ATP8A1: variants seen among roughly 807,000 people sequenced by gnomAD.
The protein encoded by ATP8A1 is ATPase phospholipid transporting 8A1.
In ATP8A1, 90 loss-of-function variants were observed where a neutral mutation model predicts 177.7. That is an observed-to-expected ratio of 0.51 (90% CI 0.43 to 0.60). The LOEUF is 0.60. Ranked by LOEUF, ATP8A1 falls within the 20% of genes least tolerant of loss-of-function variation. The pLI is 0.00. For missense variants in ATP8A1, 1,072 were observed against 1,392.8 expected (o/e 0.77, Z 3.67); for synonymous variants, 493 against 485.9 (o/e 1.01, Z -0.19).
chr4:42,559,518 A>G (rs1329552669), intron 15 of ATP8A1, among the ~76,000 whole-genome samples: 5 of 152,234 alleles, frequency 3.3e-5, no homozygotes, highest in Admixed American at 3.3e-4. Context: ...AGCATGTATC[A>G]TTGGTGAGAA....
At chr4:42,539,378 A>G (rs1260819984) in intron 20 of ATP8A1, among the ~76,000 whole-genome samples, 2 of 137,238 alleles carry the variant, frequency 1.5e-5, no homozygotes, top group Admixed American at 8.3e-5. Flanking sequence ...TTCATGTACT[A>G]AAAAATAAAA....
At position 42,640,966 on chromosome 4, in the gene ATP8A1, T is replaced by A. The variant is rs1419205539; in HGVS notation, c.50-13857A>T. ...CTCTGAAGCCACATGCATGCCAAAGTTAGGAAGTGAAGGAGCAGACGTACA... is the reference window on the plus strand; with the variant it reads ...CTCTGAAGCCACATGCATGCCAAAGATAGGAAGTGAAGGAGCAGACGTACA... On this transcript the variant is annotated intron_variant, in intron 1 of 36. Coordinates refer to ENST00000381668, the MANE Select transcript of ATP8A1 (RefSeq NM_006095.2). Among the ~76,000 whole-genome samples the A allele has an allele frequency of 2.7e-5, 4 of 147,862 alleles. No individual in the cohort carries two copies. The East Asian group carries it at 7.9e-4, about 29-fold the overall frequency.
At chr4:42,504,865 ATCTCT>A (rs1724212832) in intron 23 of ATP8A1, among the ~76,000 whole-genome samples, 1 of 152,284 alleles carries the variant, frequency 6.6e-6, no homozygotes, top group African/African-American at 2.4e-5. Flanking sequence ...TATGCTGAAG[ATCTCT>A]TCTGCTACTA....
intron 20 of ATP8A1, among the ~76,000 whole-genome samples, chr4:42,530,213 C>T (rs1212733402): frequency 6.6e-6 from 1 of 152,218 alleles, no homozygotes; most frequent in Non-Finnish European, 1.5e-5. Context: ...ACATGGACTT[C>T]TACTCACCAA....
chr4:42,471,792 C>T (rs1004082668), intron 25 of ATP8A1: 1 of 474,580 alleles, frequency 2.1e-6, no homozygotes, highest in African/African-American at 2.0e-5. Flanking sequence ...TAGGCTGGCG[C>T]TTAGCAAGGA....
intron 33 of ATP8A1, among the ~76,000 whole-genome samples, chr4:42,435,287 G>A (rs1431593295): frequency 2.6e-5 from 4 of 151,958 alleles, no homozygotes; most frequent in South Asian, 2.1e-4. Flanking sequence ...TTGGCTGGGC[G>A]TGGTGGCGGG....
intron 33 of ATP8A1, among the ~76,000 whole-genome samples, chr4:42,433,255 A>C (rs1715504597): frequency 6.7e-6 from 1 of 148,426 alleles, no homozygotes; most frequent in African/African-American, 2.5e-5. Flanking sequence ...ACACTTTTCC[A>C]AACAACAGCT....
Position 42,423,602 on chromosome 4 carries a change from T to G in ATP8A1, c.3212+15A>C. 1 of 1,548,156 alleles carries G rather than the reference T, an allele frequency of 6.5e-7. No individual in the cohort carries two copies. The highest frequency in any genetic ancestry group is 8.9e-7 in the Non-Finnish European group (1 of 1,124,958). On this transcript the variant is annotated intron_variant, in intron 34 of 36. Coordinates refer to ENST00000381668, the MANE Select transcript of ATP8A1 (RefSeq NM_006095.2). Reference sequence around the variant, plus strand: ...GCATCTATATTTCTCCGTATATAACTGAGTATATACTTACACCTTGTACAC... The same window carrying G: ...GCATCTATATTTCTCCGTATATAACGGAGTATATACTTACACCTTGTACAC...
chr4:42,604,678 T>C (rs1415775163), intron 5 of ATP8A1, among the ~76,000 whole-genome samples: 1 of 152,224 alleles, frequency 6.6e-6, no homozygotes, highest in Non-Finnish European at 1.5e-5. Flanking sequence ...CTACTAGGTG[T>C]ATACCCAAGC....
At chr4:42,468,430 T>TACACACACACACAC (rs139371340) in intron 25 of ATP8A1, among the ~76,000 whole-genome samples, 8 of 150,516 alleles carry the variant, frequency 5.3e-5, no homozygotes, top group African/African-American at 1.7e-4. Flanking sequence ...ATATATTTTA[T>TACACACACACACAC]ACACACACAC....
chr4:42,599,295 TCCTA>T (rs796953424), intron 6 of ATP8A1, among the ~76,000 whole-genome samples: 47 of 152,308 alleles, frequency 3.1e-4, no homozygotes, highest in African/African-American at 9.4e-4. Context: ...CTTGATTATA[TCCTA>T]CCTGTCTTCT....
At position 42,503,506 on chromosome 4, in the gene ATP8A1, A is replaced by C. The variant is rs1381510091; in HGVS notation, c.2095T>G (p.Cys699Gly). 1 of 1,604,548 alleles carries C rather than the reference A, an allele frequency of 6.2e-7. No individual in the cohort carries two copies. The highest frequency in any genetic ancestry group is 8.5e-7 in the Non-Finnish European group (1 of 1,173,484). The change falls in exon 24 of 37, where the codon TGC becomes GGC. Residue 699 changes from cysteine (C) to glycine (G), a missense_variant. Around this residue, in one of 5 missense-constraint regions of ATP8A1, gnomAD observed 388 missense variants for 471.7 expected, o/e 0.82. Transcript: ENST00000381668. ...CCCATGTTCTTCTTCAACAGTTTGC[A>C]GGAGTGTCCTGTATCCAAACACAGA... ...QETAINIGHS[C>G]KLLKKNMGMI...
intron 30 of ATP8A1, among the ~76,000 whole-genome samples, chr4:42,449,803 C>CTT (rs1717738755): frequency 6.6e-6 from 1 of 152,158 alleles, no homozygotes; most frequent in African/African-American, 2.4e-5. Context: ...TCCAGAGAGA[C>CTT]GTAATGATGG....
chr4:42,466,642 T>C (rs1719800881), intron 25 of ATP8A1, among the ~76,000 whole-genome samples: 1 of 152,244 alleles, frequency 6.6e-6, no homozygotes, highest in Non-Finnish European at 1.5e-5. Context: ...ATTTTTAATT[T>C]TTTCTTTGGA....
intron 6 of ATP8A1, among the ~76,000 whole-genome samples, chr4:42,596,797 G>T (rs1042284810): frequency 2.0e-4 from 31 of 152,016 alleles, no homozygotes; most frequent in African/African-American, 7.5e-4. Flanking sequence ...TAAGCCAGAA[G>T]AATACGTTGA....
In ATP8A1 at chr4:42,464,784, T is replaced by A. The variant is rs558818966; in HGVS notation, c.2525A>T (p.Asn842Ile). 11 of 1,613,646 alleles carry A rather than the reference T, an allele frequency of 6.8e-6. No individual in the cohort carries two copies. In the African/African-American group the frequency reaches 1.2e-4, roughly 18 times the overall value. The change falls in exon 27 of 37, where the codon AAT (asparagine) becomes ATT (isoleucine). Residue 842 changes from asparagine to isoleucine, a missense_variant. Physicochemically the swap from Asn to Ile is moderately radical, Grantham distance 149. This residue lies in a region of ATP8A1 where 316 missense variants were observed against 459.1 expected (regional missense o/e 0.69). Coordinates refer to ENST00000381668, the MANE Select transcript of ATP8A1 (RefSeq NM_006095.2). The part of the protein sequence containing the change: ...YSIAQFKYLK[N>I]LLMIHGAWNY... ...CCAGGCACCATGAATCATCAGTAAATTCTTCAAATATTTGAACTAAAACAA... is the reference window on the plus strand; with the variant it reads ...CCAGGCACCATGAATCATCAGTAAAATCTTCAAATATTTGAACTAAAACAA...
At chr4:42,510,827 G>A (rs116379180) in intron 22 of ATP8A1, among the ~76,000 whole-genome samples, 2 of 152,210 alleles carry the variant, frequency 1.3e-5, no homozygotes, top group Non-Finnish European at 2.9e-5. Context: ...TTGAAAGAAG[G>A]AAAGCATCTA....
At chr4:42,429,964 AG>A (rs1401233794) in intron 33 of ATP8A1, among the ~76,000 whole-genome samples, 7 of 152,188 alleles carry the variant, frequency 4.6e-5, no homozygotes, top group African/African-American at 1.7e-4. Context: ...GCTAGGGGTT[AG>A]GGGAAAAGGA....
At chr4:42,471,336 T>C (rs1480682342) in intron 25 of ATP8A1, among the ~76,000 whole-genome samples, 2 of 152,146 alleles carry the variant, frequency 1.3e-5, no homozygotes, top group Non-Finnish European at 2.9e-5. Flanking sequence ...CCTTACAATA[T>C]AGAGACTGAG....
Sources: allele counts gnomAD v4.1 joint callset (sites outside exome capture counted in the v4.1 genomes callset), GRCh38; gene constraint gnomAD v4.1.1; regional missense constraint gnomAD v4.1.1; transcripts MANE v1.5; gene names NCBI Gene and HGNC (gene_info 2026-07-23, HGNC 2026-07-21).